FRMPD1: variants seen among roughly 807,000 people sequenced by gnomAD.
The protein encoded by FRMPD1 is FERM and PDZ domain containing 1.
Under a neutral mutation model 117.8 loss-of-function variants are expected in FRMPD1, and 76 were observed. That is an observed-to-expected ratio of 0.65 (90% confidence interval 0.54 to 0.78). The LOEUF (loss-of-function observed/expected upper bound fraction) is 0.78, where lower values mean the gene tolerates loss of function less well. FRMPD1 is among the 30% of genes least tolerant of loss of function. The pLI is 0.00. For missense variants in FRMPD1, 1,786 were observed against 1,964.5 expected (o/e 0.91, Z 1.72); for synonymous variants, 783 against 770.4 (o/e 1.02, Z -0.27).
intron 2 of FRMPD1, among the ~76,000 whole-genome samples, chr9:37,700,893 T>G (rs1822506377): frequency 6.6e-6 from 1 of 152,204 alleles, no homozygotes; most frequent in South Asian, 2.1e-4. Flanking sequence ...TTGAGATCAG[T>G]GCTTAGTTTG....
the FRMPD1 span, among the ~76,000 whole-genome samples, chr9:37,634,912 G>A: frequency 6.6e-6 from 1 of 151,740 alleles, no homozygotes; most frequent in African/African-American, 2.4e-5. Flanking sequence ...CATGGTGTGT[G>A]TTGTTCCCCT....
chr9:37,625,676 G>A, the FRMPD1 span, among the ~76,000 whole-genome samples: 1 of 152,374 alleles, frequency 6.6e-6, no homozygotes, highest in African/African-American at 2.4e-5. Flanking sequence ...TAGGTAAGGA[G>A]CTGAAGGAAC....
the FRMPD1 span, among the ~76,000 whole-genome samples, chr9:37,643,284 C>A: frequency 6.6e-6 from 1 of 151,944 alleles, no homozygotes; most frequent in Admixed American, 6.6e-5. Flanking sequence ...TTGGTTATTG[C>A]TTTGCTCCTT....
At chr9:37,612,896 G>A in the FRMPD1 span, among the ~76,000 whole-genome samples, 4 of 152,170 alleles carry the variant, frequency 2.6e-5, no homozygotes, top group South Asian at 2.1e-4. Context: ...GGACTGCCAC[G>A]GGGCAGAGGA....
At chr9:37,681,212 CAAA>C (rs72098221) in intron 1 of FRMPD1, among the ~76,000 whole-genome samples, 1 of 85,654 alleles carries the variant, frequency 1.2e-5, no homozygotes, top group Admixed American at 1.3e-4. Context: ...GACTCTGTCT[CAAA>C]AAAAAAAAAA....
rs763498426 is a variant in FRMPD1, at chr9:37,745,988, C to T, written c.3956C>T (p.Ala1319Val). 12 of 1,614,092 alleles carry T rather than the reference C, an allele frequency of 7.4e-6. No homozygotes were observed. The highest frequency in any genetic ancestry group is 9.3e-6 in the Non-Finnish European group (11 of 1,180,026). ...SLRVATSLGF[A>V]GMNEMVAPRI... ...AGGGTGGCCACATCTTTGGGTTTTG[C>T]AGGCATGAATGAGATGGTGGCTCCC... The change falls in exon 16 of 16, where the codon GCA becomes GTA. Residue 1319 changes from alanine (A) to valine (V), a missense_variant. Transcript: ENST00000377765.
At chr9:37,706,303 G>A (rs1348539787) in intron 2 of FRMPD1, among the ~76,000 whole-genome samples, 9 of 152,024 alleles carry the variant, frequency 5.9e-5, no homozygotes, top group South Asian at 2.1e-4. Flanking sequence ...TCATATTTCC[G>A]GATCCTTGTT....
At chr9:37,743,559 T>TTTTTTA (rs1824528098) in intron 15 of FRMPD1, among the ~76,000 whole-genome samples, 1 of 118,492 alleles carries the variant, frequency 8.4e-6, no homozygotes, top group African/African-American at 3.4e-5. Flanking sequence ...TTTTTTTTTT[T>TTTTTTA]AATGTCTTTG....
rs1288779948 is a variant in FRMPD1 at position 37,732,347 on chromosome 9, A to G, written c.902A>G (p.Lys301Arg). ...VLQERFAVEM[K>R]CSSALRLAAL... ...CAGGAGCGCTTTGCTGTAGAAATGA[A>G]ATGTAGCTCTGCACTCCGACTCGCG... Residue 301 changes from lysine to arginine, a missense_variant, in exon 10 of 16, where the codon AAA becomes AGA. Lys to Arg is a conservative substitution (Grantham distance 26). Coordinates refer to ENST00000377765, the MANE Select transcript of FRMPD1 (RefSeq NM_014907.3). The G allele has an allele frequency of 6.2e-7, 1 of 1,613,902 alleles. No individual in the cohort carries two copies. The highest frequency in any genetic ancestry group is 1.3e-5 in the African/African-American group (1 of 75,058).
At chr9:37,671,552 T>C (rs1334810271) in intron 1 of FRMPD1, among the ~76,000 whole-genome samples, 1 of 152,184 alleles carries the variant, frequency 6.6e-6, no homozygotes, top group Non-Finnish European at 1.5e-5. Context: ...TAGCAGGGGA[T>C]ATATACAAGT....
intron 1 of FRMPD1, among the ~76,000 whole-genome samples, chr9:37,658,614 C>G (rs7854372): frequency 0.22 from 33,603 of 151,916 alleles, 4,477 homozygotes; most frequent in East Asian, 0.5. Flanking sequence ...GCTTCTGGTG[C>G]CCACTGGCAT....
intron 1 of FRMPD1, among the ~76,000 whole-genome samples, chr9:37,676,051 A>G (rs911526754): frequency 1.3e-5 from 2 of 152,272 alleles, no homozygotes; most frequent in African/African-American, 4.8e-5. Flanking sequence ...GCCTAAACCC[A>G]GCATCCATCA....
chr9:37,612,489 C>T, the FRMPD1 span, among the ~76,000 whole-genome samples: 3 of 148,234 alleles, frequency 2.0e-5, no homozygotes, highest in South Asian at 2.1e-4. Context: ...ACTGGGATTA[C>T]AGGCATGCAC....
At chr9:37,741,691 G>A (rs528864751) in intron 15 of FRMPD1, among the ~76,000 whole-genome samples, 1 of 152,272 alleles carries the variant, frequency 6.6e-6, no homozygotes, top group African/African-American at 2.4e-5. Context: ...CAGGCCCTTT[G>A]AGGCCCTCTG....
At chr9:37,616,699 AATCT>A in the FRMPD1 span, among the ~76,000 whole-genome samples, 1 of 152,174 alleles carries the variant, frequency 6.6e-6, no homozygotes, top group East Asian at 1.9e-4. Flanking sequence ...ATGATTGAAA[AATCT>A]AGTATCAGAA....
intron 8 of FRMPD1, among the ~76,000 whole-genome samples, chr9:37,730,671 A>G (rs1226733540): frequency 1.3e-5 from 2 of 152,230 alleles, no homozygotes; most frequent in Non-Finnish European, 2.9e-5. Flanking sequence ...ATAGACTTAT[A>G]CTGAAGCATG....
Position 37,735,574 on chromosome 9 carries a change from T to A in FRMPD1, c.1241T>A (p.Ile414Asn), listed in dbSNP as rs746798060. ...CAGTTACAGGATAGAGAATCCTACA[T>A]TGCCCTTCTAGTTGGAGCCAAGTAT... ...TLMLQDRESYIALLVGAKYGI... is the reference protein window; with the variant it reads ...TLMLQDRESYNALLVGAKYGI... Residue 414 changes from isoleucine to asparagine, a missense_variant, in exon 13 of 16, where the codon ATT (isoleucine) becomes AAT (asparagine). By Grantham distance (149) the Ile-to-Asn change is moderately radical. Coordinates refer to ENST00000377765, the MANE Select transcript of FRMPD1 (RefSeq NM_014907.3). The A allele has an allele frequency of 6.2e-7, 1 of 1,613,718 alleles. No homozygotes were observed. The highest frequency in any genetic ancestry group is 1.1e-5 in the South Asian group (1 of 91,074).
chr9:37,727,601 C>T (rs905435692), intron 7 of FRMPD1, among the ~76,000 whole-genome samples: 6 of 152,098 alleles, frequency 3.9e-5, no homozygotes, highest in African/African-American at 1.4e-4. Context: ...AAGAGACAGG[C>T]TTTCCATTGG....
chr9:37,739,099 A>G (rs1237127484), intron 14 of FRMPD1, among the ~76,000 whole-genome samples: 2 of 152,154 alleles, frequency 1.3e-5, no homozygotes, highest in Non-Finnish European at 2.9e-5. Flanking sequence ...TGAGGGAGAC[A>G]CTAGACTGAA....
Sources: gnomAD v4.1 joint callset for allele counts (sites outside exome capture counted in the v4.1 genomes callset) on GRCh38, gnomAD v4.1.1 for gene constraint, MANE v1.5 for transcripts, NCBI Gene and HGNC (gene_info 2026-07-23, HGNC 2026-07-21) for gene names.